The following PAPPA2 variants were observed in gnomAD, a reference collection of about 807,000 sequenced individuals.
PAPPA2 encodes pappalysin-2.
PAPPA2 carries 86 observed loss-of-function variants against 176.4 expected under a neutral mutation model. The ratio of observed to expected loss-of-function variants is 0.49; its 90% CI spans 0.41 to 0.58. The LOEUF is 0.58. Among genes scored for constraint, PAPPA2 ranks in the 20% least tolerant of loss-of-function variants. The pLI, the probability that PAPPA2 is intolerant of heterozygous loss-of-function variation, is 0.00. For synonymous variants in PAPPA2, 809 were observed against 852.2 expected (o/e 0.95, Z 0.88); for missense variants, 2,073 against 2,256.9 (o/e 0.92, Z 1.65).
chr1:176,564,141 G>A (rs576264264), intron 2 of PAPPA2, among the ~76,000 whole-genome samples: 5 of 152,074 alleles, frequency 3.3e-5, no homozygotes, highest in South Asian at 2.1e-4. Flanking sequence ...ACTACCTTAC[G>A]CAAATGCAGA....
chr1:176,581,922 C>CTTTTTTTTTTTTTTTTTTTTTT (rs538920194), intron 2 of PAPPA2, among the ~76,000 whole-genome samples: 1 of 80,996 alleles, frequency 1.2e-5, no homozygotes, highest in Non-Finnish European at 2.4e-5. Flanking sequence ...TTCTTTCTTT[C>CTTTTTTTTTTTTTTTTTTTTTT]TTTTTTTTTT....
Position 176,567,931 on chromosome 1 carries a change from G to T in PAPPA2, c.919+10690G>T, listed in dbSNP as rs372718943. ...ATAAGATATCAGGCCTAAAGTAGGT[G>T]CATTGGATTTAGCAGTCAGGGAATC... On this transcript the variant is annotated intron_variant, in intron 2 of 22. Transcript: ENST00000367662. Among the ~76,000 whole-genome samples the T allele has an allele frequency of 8.2e-4, 125 of 152,344 alleles. 1 individual carries two copies. Among genetic ancestry groups the T allele is most frequent in the African/African-American group, 2.9e-3 (122 of 41,588 alleles).
intron 21 of PAPPA2, among the ~76,000 whole-genome samples, chr1:176,812,150 T>C (rs1209976966): frequency 6.6e-6 from 1 of 152,084 alleles, no homozygotes; most frequent in African/African-American, 2.4e-5. Flanking sequence ...CTTTATGACA[T>C]CTGTTATCCC....
At chr1:176,702,026 G>A (rs959367534) in intron 8 of PAPPA2, among the ~76,000 whole-genome samples, 6 of 152,148 alleles carry the variant, frequency 3.9e-5, no homozygotes, top group Non-Finnish European at 2.9e-5. Context: ...TTGGAGGTGG[G>A]GAGTTGTTTA....
At chr1:176,662,128 T>G (rs537216965) in intron 3 of PAPPA2, among the ~76,000 whole-genome samples, 4 of 152,266 alleles carry the variant, frequency 2.6e-5, no homozygotes, top group Non-Finnish European at 5.9e-5. Context: ...GAAGAAAGAA[T>G]GCATGCTTGG....
intron 2 of PAPPA2, among the ~76,000 whole-genome samples, chr1:176,562,938 A>C (rs1227696301): frequency 6.6e-6 from 1 of 152,108 alleles, no homozygotes; most frequent in African/African-American, 2.4e-5. Context: ...ATGGGAAAGT[A>C]ATTTTCTCTA....
chr1:176,730,052 T>C (rs1298253068), intron 12 of PAPPA2, among the ~76,000 whole-genome samples: 2 of 152,030 alleles, frequency 1.3e-5, no homozygotes, highest in African/African-American at 4.8e-5. Context: ...TTGGATTTTA[T>C]TGGGTAATCT....
At position 176,711,902 on chromosome 1, in the gene PAPPA2, C is replaced by T; in HGVS notation, c.3719C>T (p.Ala1240Val). ...CTAACTGGCTGGTTTCCCTGTGTTG[C>T]CAGTGAAAATGAAACTCAGGATGAC... ...RPLTGWFPCV[A>V]SENETQDDRS... Residue 1240 changes from alanine (A) to valine (V), a missense_variant, in exon 12 of 23, where the codon GCC becomes GTC. By Grantham distance (64) the Ala-to-Val change is moderately conservative. Coordinates refer to ENST00000367662, the MANE Select transcript of PAPPA2 (RefSeq NM_020318.3). 1 of 1,613,530 alleles carries T rather than the reference C, an allele frequency of 6.2e-7. No individual in the cohort carries two copies.
chr1:176,539,266 G>C (rs1650240876), intron 1 of PAPPA2, among the ~76,000 whole-genome samples: 1 of 152,140 alleles, frequency 6.6e-6, no homozygotes, highest in Non-Finnish European at 1.5e-5. Flanking sequence ...ATGAGCTGGG[G>C]CTGAATAAAT....
At chr1:176,761,083 A>C (rs1416069750) in intron 14 of PAPPA2, among the ~76,000 whole-genome samples, 1 of 152,134 alleles carries the variant, frequency 6.6e-6, no homozygotes, top group African/African-American at 2.4e-5. Flanking sequence ...GGCCTCCCAA[A>C]GTGCTGGTAT....
At chr1:176,680,190 T>C (rs1437492486) in intron 4 of PAPPA2, among the ~76,000 whole-genome samples, 1 of 152,190 alleles carries the variant, frequency 6.6e-6, no homozygotes, top group Admixed American at 6.5e-5. Context: ...AAAAGATGCC[T>C]CCAAGTGACT....
intron 11 of PAPPA2, among the ~76,000 whole-genome samples, chr1:176,710,888 T>C (rs984453152): frequency 2.6e-5 from 4 of 152,170 alleles, no homozygotes; most frequent in African/African-American, 9.6e-5. Context: ...ACCCAGGGTC[T>C]CCTAGATTCC....
chr1:176,784,189 G>C (rs919509647), intron 17 of PAPPA2, among the ~76,000 whole-genome samples: 1 of 152,166 alleles, frequency 6.6e-6, no homozygotes. Flanking sequence ...AAGATGTTTT[G>C]GAATCTCTAT....
chr1:176,704,746 A>C (rs1047051160), intron 9 of PAPPA2, among the ~76,000 whole-genome samples: 6 of 152,228 alleles, frequency 3.9e-5, no homozygotes, highest in African/African-American at 1.4e-4. Flanking sequence ...AGTTGAATTC[A>C]GATGTGCTGT....
At chr1:176,813,885 C>T (rs577346218) in intron 21 of PAPPA2, among the ~76,000 whole-genome samples, 2 of 152,278 alleles carry the variant, frequency 1.3e-5, no homozygotes, top group East Asian at 3.9e-4. Flanking sequence ...ATGGTATTGC[C>T]TAGATTTTCT....
At chr1:176,730,310 T>C (rs1662076235) in intron 12 of PAPPA2, among the ~76,000 whole-genome samples, 1 of 151,950 alleles carries the variant, frequency 6.6e-6, no homozygotes, top group South Asian at 2.1e-4. Context: ...TATTAATGTC[T>C]TATTTTTTTC....
chr1:176,504,418 T>A lies in PAPPA2; in HGVS notation c.-917+41000T>A, dbSNP rs573727135. ...TCTGTTCTTTACACAAATGAAAGTA[T>A]GTTATATACACTATTATGTTATCTT... On this transcript the variant is annotated intron_variant, in intron 1 of 22. Transcript: ENST00000367662. 2.0e-5 allele frequency among the ~76,000 whole-genome samples: 3 copies of A among 152,284 alleles called. No individual in the cohort carries two copies. In the East Asian group the frequency reaches 5.8e-4, roughly 29 times the overall value.
intron 2 of PAPPA2, among the ~76,000 whole-genome samples, 192 bp downstream of exon 2, chr1:176,557,433 T>C (rs1651387911): frequency 6.6e-6 from 1 of 152,130 alleles, no homozygotes; most frequent in Non-Finnish European, 1.5e-5. Flanking sequence ...AAGGAGATAA[T>C]GACTCTAGCC....
In PAPPA2 at chr1:176,664,384, A is replaced by G. The variant is rs546863549; in HGVS notation, c.1992-6586A>G. On this transcript the variant is annotated intron_variant, in intron 3 of 22. Coordinates refer to ENST00000367662, the MANE Select transcript of PAPPA2 (RefSeq NM_020318.3). ...CTTTGGGCCCCTTCCTCCTTCTTCA[A>G]AGCCTGCATTGTAGCTGTCTCTGAT... 3.9e-5 allele frequency among the ~76,000 whole-genome samples: 6 copies of G among 152,268 alleles called. No homozygotes were observed. The South Asian group carries it at 1.0e-3, about 26-fold the overall frequency.
Sources: gnomAD v4.1 joint callset for allele counts (sites outside exome capture counted in the v4.1 genomes callset) on GRCh38, gnomAD v4.1.1 for gene constraint, MANE v1.5 for transcripts, NCBI Gene and HGNC (gene_info 2026-07-23, HGNC 2026-07-21) for gene names.